The following IQCK variants were observed in gnomAD, a reference collection of about 807,000 sequenced individuals.
The protein encoded by IQCK is IQ motif containing K.
IQCK carries 29 observed loss-of-function variants against 28.1 expected under a neutral mutation model. The observed-to-expected ratio is 1.03, with a 90% CI of 0.77 to 1.41. The LOEUF is 1.41. IQCK is among the 40% of genes most tolerant of loss of function. IQCK has a pLI of 0.00. For synonymous variants in IQCK, 113 were observed against 115.1 expected (o/e 0.98, Z 0.12); for missense variants, 359 against 314.7 (o/e 1.14, Z -1.07).
At chr16:19,858,212 T>A (rs2056587825) in exon 10 of IQCK, 1 of 334,360 alleles carries the variant, frequency 3.0e-6, no homozygotes, top group Non-Finnish European at 5.4e-6. Flanking sequence ...CTCTCTCCCT[T>A]CTCCTCTCAC....
intron 7 of IQCK, among the ~76,000 whole-genome samples, chr16:19,808,218 T>C (rs1389013862): frequency 6.6e-6 from 1 of 152,144 alleles, no homozygotes; most frequent in Admixed American, 6.5e-5. Flanking sequence ...GCCCTTCCCT[T>C]CCCCCTGCCT....
At chr16:19,820,652 A>AC (rs1211374437) in intron 7 of IQCK, among the ~76,000 whole-genome samples, 1 of 151,402 alleles carries the variant, frequency 6.6e-6, no homozygotes, top group Non-Finnish European at 1.5e-5. Context: ...CTGTATCAAA[A>AC]AAAAAAAAAA....
rs1374957056 is a variant in IQCK at position 19,857,409 on chromosome 16, G to A, written c.*861G>A. The A allele has an allele frequency of 4.6e-6, 2 of 434,566 alleles. 1 individual carries two copies. The highest frequency in any genetic ancestry group is 1.1e-3 in the Middle Eastern group (2 of 1,750). The allele number at this position is 434,566 out of a possible 1,614,324, so 26.9% of individuals were successfully genotyped here. On this transcript the variant is annotated 3_prime_UTR_variant, in exon 10 of 10. Coordinates refer to the IQCK transcript ENST00000320394. ...TGTAATATTTATATAGTCGTTTATGGTACATATTGATTGTCTTGAAATTTC... is the reference window on the plus strand; with the variant it reads ...TGTAATATTTATATAGTCGTTTATGATACATATTGATTGTCTTGAAATTTC...
intron 4 of IQCK, among the ~76,000 whole-genome samples, chr16:19,746,232 T>C (rs934742128): frequency 4.0e-5 from 6 of 151,540 alleles, no homozygotes; most frequent in African/African-American, 1.5e-4. Flanking sequence ...GTCGTAGATA[T>C]ATATATTTAT....
intron 6 of IQCK, among the ~76,000 whole-genome samples, chr16:19,772,614 GA>G (rs1467584291): frequency 6.6e-6 from 1 of 152,170 alleles, no homozygotes; most frequent in Non-Finnish European, 1.5e-5. Context: ...CTGACATGGA[GA>G]ACAGTATAAT....
rs145547730 is a variant in IQCK, at chr16:19,733,753, C to T, written c.302C>T (p.Pro101Leu). The T allele has an allele frequency of 8.6e-5, 139 of 1,614,058 alleles. 1 individual carries two copies. Among genetic ancestry groups the T allele is most frequent in the Non-Finnish European group, 1.1e-4 (131 of 1,180,018 alleles). ...GGCTTCAGTGCAGAGCACTATTTTCCGGTTTCCCATTTCACCATGATCTCA... is the reference window on the plus strand; with the variant it reads ...GGCTTCAGTGCAGAGCACTATTTTCTGGTTTCCCATTTCACCATGATCTCA... Residue 101 changes from proline (P) to leucine (L), a missense_variant, in exon 3 of 8, where the codon CCG becomes CTG. By Grantham distance (98) the Pro-to-Leu change is moderately conservative. Transcript: ENST00000564186.
chr16:19,752,504 A>G (rs116149003), intron 4 of IQCK, among the ~76,000 whole-genome samples: 4,706 of 152,296 alleles, frequency 0.031, 228 homozygotes, highest in African/African-American at 0.11. Context: ...GGTCCTGAAC[A>G]TGGCAGAAAA....
intron 9 of IQCK, among the ~76,000 whole-genome samples, chr16:19,855,031 G>T (rs900533692): frequency 6.6e-6 from 1 of 152,050 alleles, no homozygotes; most frequent in African/African-American, 2.4e-5. Flanking sequence ...TTAGTAGTAC[G>T]CAAAACCAAA....
chr16:19,780,331 T>C (rs764142654), intron 6 of IQCK, among the ~76,000 whole-genome samples: 1 of 152,020 alleles, frequency 6.6e-6, no homozygotes, highest in Non-Finnish European at 1.5e-5. Flanking sequence ...CATGAGCCAC[T>C]GTGCCCAGCC....
At chr16:19,836,009 T>G (rs1263925217) in intron 9 of IQCK, among the ~76,000 whole-genome samples, 1 of 152,260 alleles carries the variant, frequency 6.6e-6, no homozygotes, top group East Asian at 1.9e-4. Context: ...TAATTTATAC[T>G]TAATGCTACC....
downstream of IQCK, chr16:19,827,242 A>G: frequency 1.3e-6 from 1 of 752,536 alleles, no homozygotes; most frequent in Non-Finnish European, 2.3e-6. Context: ...CCTTGTCTGC[A>G]TGGAACTCAG....
At chr16:19,737,688 G>T (rs116506077) in intron 4 of IQCK, among the ~76,000 whole-genome samples, 1,784 of 152,160 alleles carry the variant, frequency 0.012, 28 homozygotes, top group African/African-American at 0.04. Flanking sequence ...GCTCTGCCTA[G>T]TTCATGTGTT....
At chr16:19,768,649 G>A (rs984800379) in intron 6 of IQCK, among the ~76,000 whole-genome samples, 2 of 152,186 alleles carry the variant, frequency 1.3e-5, no homozygotes, top group African/African-American at 4.8e-5. Context: ...GGAAGGCTGA[G>A]GCAGGAGATT....
chr16:19,735,766 A>AT (rs1387542635), intron 4 of IQCK: 1 of 368,190 alleles, frequency 2.7e-6, no homozygotes, highest in Non-Finnish European at 5.1e-6. Flanking sequence ...ACATGCACTG[A>AT]TTAAAGCTCT....
chr16:19,733,814 C>A, exon 3 of IQCK: 1 of 1,613,894 alleles, frequency 6.2e-7, no homozygotes, highest in South Asian at 1.1e-5. Context: ...CGGAAACAAT[C>A]AACCCAAAAA....
chr16:19,761,401 A>G (rs957744592), intron 4 of IQCK: 3 of 455,838 alleles, frequency 6.6e-6, no homozygotes, highest in Non-Finnish European at 1.3e-5. Context: ...TATGTGAACC[A>G]TGAAAAGCAG....
intron 7 of IQCK, among the ~76,000 whole-genome samples, chr16:19,810,600 G>A (rs944535383): frequency 1.3e-5 from 2 of 151,950 alleles, no homozygotes; most frequent in Non-Finnish European, 1.5e-5. Context: ...ATCACCTGAG[G>A]TCAGGAGTTT....
At chr16:19,770,981 C>G (rs1433810017) in intron 6 of IQCK, among the ~76,000 whole-genome samples, 1 of 152,202 alleles carries the variant, frequency 6.6e-6, no homozygotes, top group Non-Finnish European at 1.5e-5. Flanking sequence ...ATTACATTAG[C>G]TCACCTAGAT....
chr16:19,799,330 G>A (rs2055728309), intron 7 of IQCK, among the ~76,000 whole-genome samples: 2 of 86,356 alleles, frequency 2.3e-5, no homozygotes, highest in Admixed American at 1.1e-4. Context: ...GGAGTGCAGT[G>A]GTGTGATCTT....
Sources: allele counts gnomAD v4.1 joint callset (sites outside exome capture counted in the v4.1 genomes callset), GRCh38; gene constraint gnomAD v4.1.1; transcripts MANE v1.5; gene names NCBI Gene and HGNC (gene_info 2026-07-23, HGNC 2026-07-21).